The following RHEX variants were observed in gnomAD, a reference collection of about 807,000 sequenced individuals.
RHEX encodes regulator of hemoglobinization and erythroid cell expansion protein.
Under a neutral mutation model 20.1 loss-of-function variants are expected in RHEX, and 18 were observed. That is an observed-to-expected ratio of 0.90 (90% CI 0.62 to 1.33). The LOEUF (loss-of-function observed/expected upper bound fraction) is 1.33, where lower values mean the gene tolerates loss of function less well. Among genes scored for constraint, RHEX ranks in the 40% most tolerant of loss-of-function variants. The pLI is 0.00. For missense variants in RHEX, 192 were observed against 214.3 expected (o/e 0.90, Z 0.65); for synonymous variants, 87 against 77.1 (o/e 1.13, Z -0.67).
At chr1:206,076,516 A>G (rs1662639904) in intron 1 of RHEX, among the ~76,000 whole-genome samples, 1 of 152,196 alleles carries the variant, frequency 6.6e-6, no homozygotes, top group Admixed American at 6.5e-5. Flanking sequence ...CCAGAGGCTC[A>G]CGCCCACGGC....
At chr1:206,069,141 G>T (rs916451586) in intron 1 of RHEX, among the ~76,000 whole-genome samples, 1 of 152,204 alleles carries the variant, frequency 6.6e-6, no homozygotes, top group Admixed American at 6.5e-5. Flanking sequence ...GGGTGAGTTT[G>T]CCACCCTTAC....
intron 1 of RHEX, among the ~76,000 whole-genome samples, chr1:206,084,510 G>T (rs536166193): frequency 2.0e-5 from 3 of 152,274 alleles, no homozygotes; most frequent in African/African-American, 7.2e-5. Flanking sequence ...CTCTTCTGGA[G>T]AATTTCATTA....
At position 206,056,843 on chromosome 1, in the gene RHEX, A is replaced by T. The variant is rs1571848227; in HGVS notation, c.-97+3578A>T. On this transcript the variant is annotated intron_variant, in intron 1 of 5. Transcript: ENST00000331555. ...AAAATAAGTATATCTGTCAAGAATCATATTTATGTGAGATGTGTCAATACT... is the reference window on the plus strand; with the variant it reads ...AAAATAAGTATATCTGTCAAGAATCTTATTTATGTGAGATGTGTCAATACT... 2.0e-5 allele frequency among the ~76,000 whole-genome samples: 3 copies of T among 152,270 alleles called. No individual in the cohort carries two copies. The South Asian group carries it at 6.2e-4, about 32-fold the overall frequency.
intron 1 of RHEX, among the ~76,000 whole-genome samples, chr1:206,080,837 G>A (rs916018866): frequency 2.6e-5 from 4 of 152,070 alleles, no homozygotes; most frequent in African/African-American, 7.2e-5. Context: ...GGGCATCACT[G>A]TGTCACCCAG....
At chr1:206,094,986 G>C (rs1663035890) in intron 1 of RHEX, among the ~76,000 whole-genome samples, 1 of 152,118 alleles carries the variant, frequency 6.6e-6, no homozygotes, top group Non-Finnish European at 1.5e-5. Context: ...CTTTGGAAAT[G>C]TGTGGGGTCA....
chr1:206,063,433 T>G (rs1662345467), intron 1 of RHEX, among the ~76,000 whole-genome samples: 1 of 152,184 alleles, frequency 6.6e-6, no homozygotes, highest in African/African-American at 2.4e-5. Context: ...CGTCTCCCTC[T>G]CACGCCAAGC....
chr1:206,083,523 A>G, intron 1 of RHEX: 1 of 985,384 alleles, frequency 1.0e-6, no homozygotes, highest in South Asian at 4.7e-5. Context: ...AAATGTTGAA[A>G]CACTTGTGAC....
At chr1:206,097,310 C>T (rs1663092223) in intron 1 of RHEX, among the ~76,000 whole-genome samples, 2 of 152,172 alleles carry the variant, frequency 1.3e-5, no homozygotes, top group Non-Finnish European at 2.9e-5. Flanking sequence ...ATAAGCCCTG[C>T]TGCTAACAAG....
At chr1:206,097,933 C>A in intron 2 of RHEX, 94 bp downstream of exon 2, 1 of 1,213,740 alleles carries the variant, frequency 8.2e-7, no homozygotes, top group South Asian at 1.2e-5. Flanking sequence ...CCTGGCTGCC[C>A]CAGCCTTATT....
At chr1:206,087,497 T>C (rs922351691) in intron 1 of RHEX, among the ~76,000 whole-genome samples, 1 of 152,230 alleles carries the variant, frequency 6.6e-6, no homozygotes. Flanking sequence ...TCTCTTCTGC[T>C]TTTTGACTTT....
At chr1:206,063,796 C>T (rs1662355102) in intron 1 of RHEX, among the ~76,000 whole-genome samples, 1 of 152,148 alleles carries the variant, frequency 6.6e-6, no homozygotes. Flanking sequence ...GAGATTGCAG[C>T]CTCTGCCCGG....
intron 1 of RHEX, among the ~76,000 whole-genome samples, chr1:206,073,550 G>A (rs1662573544): frequency 6.6e-6 from 1 of 152,104 alleles, no homozygotes; most frequent in Non-Finnish European, 1.5e-5. Flanking sequence ...ACAGCAATAA[G>A]GTGGAAGGGC....
At chr1:206,084,578 T>G (rs1258260846) in intron 1 of RHEX, among the ~76,000 whole-genome samples, 1 of 152,126 alleles carries the variant, frequency 6.6e-6, no homozygotes, top group African/African-American at 2.4e-5. Context: ...GCTCAGACAA[T>G]GCGGTGCTGG....
In RHEX at chr1:206,101,972, G is replaced by T; in HGVS notation, c.*20G>T. 6.4e-7 allele frequency: 1 copy of T among 1,568,232 alleles called. No homozygotes were observed. Among genetic ancestry groups the T allele is most frequent in the Non-Finnish European group, 8.8e-7 (1 of 1,138,700 alleles). On this transcript the variant is annotated 3_prime_UTR_variant, in exon 6 of 6. Coordinates refer to ENST00000331555, the MANE Select transcript of RHEX (RefSeq NM_001007544.4). ...ATGTGAATTCCAAATATTTTTAATG[G>T]GGTCCAGTTCTCTATGGATTCTTAC...
In RHEX at chr1:206,098,077, A is replaced by G. The variant is rs1553287934; in HGVS notation, c.12-4A>G. Reference sequence around the variant, plus strand: ...TGACTTTGCCCCTTTTTCTTTCCCAACAGAGTCATGGAGGTCTGGCATGGC... The same window carrying G: ...TGACTTTGCCCCTTTTTCTTTCCCAGCAGAGTCATGGAGGTCTGGCATGGC... On this transcript the variant is annotated splice_polypyrimidine_tract_variant and splice_region_variant and intron_variant, in intron 2 of 5. Coordinates refer to ENST00000331555, the MANE Select transcript of RHEX (RefSeq NM_001007544.4). 5 of 1,611,416 alleles carry G rather than the reference A, an allele frequency of 3.1e-6. No individual in the cohort carries two copies. The highest frequency in any genetic ancestry group is 2.2e-5 in the East Asian group (1 of 44,894).
Position 206,100,051 on chromosome 1 carries a change from C to T in RHEX, c.256+253C>T, listed in dbSNP as rs183543461. Reference sequence around the variant, plus strand: ...TTAGTCGTGTGCAAATGATTGCAGGCGGCTTGGGAAATGTCCCTGCTCTTC... The same window carrying T: ...TTAGTCGTGTGCAAATGATTGCAGGTGGCTTGGGAAATGTCCCTGCTCTTC... On this transcript the variant is annotated intron_variant, in intron 4 of 5. Coordinates refer to ENST00000331555, the MANE Select transcript of RHEX (RefSeq NM_001007544.4). Among the ~76,000 whole-genome samples, 196 of 152,276 alleles carry T rather than the reference C, an allele frequency of 1.3e-3. 1 individual carries two copies. The highest frequency in any genetic ancestry group is 8.6e-3 in the Admixed American group (131 of 15,302).
intron 1 of RHEX, among the ~76,000 whole-genome samples, chr1:206,096,132 A>G (rs1304897106): frequency 2.0e-5 from 3 of 152,176 alleles, no homozygotes; most frequent in African/African-American, 7.2e-5. Context: ...GTCCGGCTCA[A>G]TTTGGGGCGA....
intron 1 of RHEX, among the ~76,000 whole-genome samples, chr1:206,087,726 T>G (rs998822176): frequency 6.6e-6 from 1 of 152,348 alleles, no homozygotes; most frequent in East Asian, 1.9e-4. Flanking sequence ...GGTGTCATGC[T>G]GATTTAAGGC....
intron 1 of RHEX, among the ~76,000 whole-genome samples, chr1:206,060,161 G>A (rs1553283167): frequency 6.6e-6 from 1 of 152,126 alleles, no homozygotes; most frequent in Non-Finnish European, 1.5e-5. Flanking sequence ...ATGACCCTGA[G>A]CAAGTGTGAT....
Sources: gnomAD v4.1 joint callset for allele counts (sites outside exome capture counted in the v4.1 genomes callset) on GRCh38, gnomAD v4.1.1 for gene constraint, MANE v1.5 for transcripts, NCBI Gene and HGNC (gene_info 2026-07-23, HGNC 2026-07-21) for gene names.